Variants in FSTL4 observed in about 807,000 individuals in gnomAD.
FSTL4 encodes follistatin-related protein 4.
In FSTL4, 28 loss-of-function variants were observed where a neutral mutation model predicts 78.2. The observed-to-expected ratio is 0.36, with a 90% CI of 0.27 to 0.49. FSTL4 has a LOEUF of 0.49. FSTL4 is among the 20% of genes least tolerant of loss of function. FSTL4 has a pLI of 0.98. For synonymous variants in FSTL4, 422 were observed against 440.5 expected (o/e 0.96, Z 0.53); for missense variants, 922 against 1,084.9 (o/e 0.85, Z 2.11).
intron 12 of FSTL4, among the ~76,000 whole-genome samples, chr5:133,220,176 C>T (rs1342720168): frequency 6.6e-6 from 1 of 152,252 alleles, no homozygotes; most frequent in Non-Finnish European, 1.5e-5. Context: ...GCATATGGGG[C>T]ATTGACATGA....
At chr5:133,647,554 A>T in the FSTL4 span, among the ~76,000 whole-genome samples, 1 of 152,192 alleles carries the variant, frequency 6.6e-6, no homozygotes, top group Non-Finnish European at 1.5e-5. Flanking sequence ...TCATCTGAAG[A>T]ATAATCTCCC....
At chr5:133,636,271 GC>G in the FSTL4 span, among the ~76,000 whole-genome samples, 1 of 152,152 alleles carries the variant, frequency 6.6e-6, no homozygotes, top group East Asian at 1.9e-4. Flanking sequence ...GGGCTCATCT[GC>G]CACAGTGAAA....
intron 3 of FSTL4, among the ~76,000 whole-genome samples, chr5:133,425,159 GACA>G (rs955697292): frequency 2.0e-5 from 3 of 151,968 alleles, no homozygotes; most frequent in African/African-American, 7.3e-5. Context: ...ACAGATTTTT[GACA>G]ACACTTTATT....
In FSTL4 at chr5:133,261,466, C is replaced by G. The variant is rs192949898; in HGVS notation, c.728-11890G>C. ...AAACTCTTAAAAACTGACTTCCCAG[C>G]CATGATGGGATAAAAGGTTGGACAC... On this transcript the variant is annotated intron_variant, in intron 6 of 15. Transcript: ENST00000265342. Among the ~76,000 whole-genome samples, 7 of 152,312 alleles carry G rather than the reference C, an allele frequency of 4.6e-5. No homozygotes were observed. The East Asian group carries it at 1.2e-3, about 25-fold the overall frequency.
At chr5:133,331,936 C>CA (rs1449789938) in intron 4 of FSTL4, among the ~76,000 whole-genome samples, 1 of 152,188 alleles carries the variant, frequency 6.6e-6, no homozygotes, top group Admixed American at 6.5e-5. Context: ...GAGGGAGCTG[C>CA]AGAAACCCTC....
intron 6 of FSTL4, among the ~76,000 whole-genome samples, chr5:133,259,334 G>C (rs1752458349): frequency 6.6e-6 from 1 of 152,012 alleles, no homozygotes; most frequent in South Asian, 2.1e-4. Flanking sequence ...GAGGCAGGGT[G>C]GGGGCTTGGA....
chr5:133,532,508 T>C (rs969064363), intron 3 of FSTL4, among the ~76,000 whole-genome samples: 26 of 152,120 alleles, frequency 1.7e-4, no homozygotes, highest in Admixed American at 5.2e-4. Flanking sequence ...GAGGGAGGTA[T>C]TCCGGTTAAC....
the FSTL4 span, among the ~76,000 whole-genome samples, chr5:133,625,594 T>A: frequency 6.7e-6 from 1 of 149,480 alleles, no homozygotes; most frequent in Non-Finnish European, 1.5e-5. Context: ...CTCCATTGGG[T>A]TTTTGTTTTC....
At chr5:133,791,977 G>T in the FSTL4 span, among the ~76,000 whole-genome samples, 1 of 152,236 alleles carries the variant, frequency 6.6e-6, no homozygotes, top group African/African-American at 2.4e-5. Context: ...TTAGGAGTGA[G>T]TTGGCATGCC....
intron 3 of FSTL4, among the ~76,000 whole-genome samples, chr5:133,429,175 A>C (rs1176821885): frequency 6.6e-6 from 1 of 152,092 alleles, no homozygotes; most frequent in Non-Finnish European, 1.5e-5. Flanking sequence ...CATCAGCAGA[A>C]ATCTGCTCGT....
the FSTL4 span, among the ~76,000 whole-genome samples, chr5:133,721,323 C>T: frequency 8.5e-5 from 13 of 152,082 alleles, no homozygotes; most frequent in African/African-American, 2.2e-4. Flanking sequence ...TATACACCAG[C>T]GGTATTATAG....
intron 7 of FSTL4, among the ~76,000 whole-genome samples, chr5:133,241,370 A>T (rs1040695681): frequency 5.3e-5 from 8 of 152,142 alleles, no homozygotes; most frequent in Non-Finnish European, 1.5e-5. Context: ...TGGCTCAAAA[A>T]CTCAAATAGG....
At chr5:133,664,219 C>T in the FSTL4 span, among the ~76,000 whole-genome samples, 1 of 152,016 alleles carries the variant, frequency 6.6e-6, no homozygotes, top group Non-Finnish European at 1.5e-5. Flanking sequence ...TCAAGGGACC[C>T]ATTCTACTCT....
chr5:133,477,893 CTT>C (rs1757955538), intron 3 of FSTL4, among the ~76,000 whole-genome samples: 1 of 152,204 alleles, frequency 6.6e-6, no homozygotes, highest in South Asian at 2.1e-4. Context: ...AGGCATACCT[CTT>C]GTTGGGGACA....
intron 4 of FSTL4, among the ~76,000 whole-genome samples, chr5:133,336,494 A>T (rs1046096082): frequency 1.3e-5 from 2 of 152,178 alleles, no homozygotes; most frequent in African/African-American, 4.8e-5. Context: ...CTCTGCAGTC[A>T]GCGTTGAGTG....
the FSTL4 span, among the ~76,000 whole-genome samples, chr5:133,689,433 C>A: frequency 2.0e-5 from 3 of 152,304 alleles, no homozygotes; most frequent in Non-Finnish European, 2.9e-5. Flanking sequence ...ATTCAGTAAG[C>A]CTTTTAAATA....
At chr5:133,743,810 A>G in the FSTL4 span, among the ~76,000 whole-genome samples, 1 of 152,126 alleles carries the variant, frequency 6.6e-6, no homozygotes, top group Non-Finnish European at 1.5e-5. Context: ...CCTGATTTCC[A>G]TTTGGTTCCC....
intron 2 of FSTL4, among the ~76,000 whole-genome samples, chr5:133,580,628 C>G (rs1182657536): frequency 6.6e-6 from 1 of 152,226 alleles, no homozygotes; most frequent in Admixed American, 6.5e-5. Flanking sequence ...GGCGGTCAGG[C>G]CGTGCCCCTC....
At chr5:133,792,603 AG>A in the FSTL4 span, among the ~76,000 whole-genome samples, 1 of 152,210 alleles carries the variant, frequency 6.6e-6, no homozygotes, top group Admixed American at 6.5e-5. Context: ...CACTGACTTT[AG>A]CTCCTGCTCC....
Sources: allele counts gnomAD v4.1 joint callset (sites outside exome capture counted in the v4.1 genomes callset), GRCh38; gene constraint gnomAD v4.1.1; transcripts MANE v1.5; gene names NCBI Gene and HGNC (gene_info 2026-07-23, HGNC 2026-07-21).